FNBP1L: variants seen among roughly 807,000 people sequenced by gnomAD.
FNBP1L encodes the protein formin binding protein 1 like, also known as formin-binding protein 1-like.
In FNBP1L, 36 loss-of-function variants were observed where a neutral mutation model predicts 91.2. That is an observed-to-expected ratio of 0.39 (90% confidence interval 0.30 to 0.52). The LOEUF is 0.52. FNBP1L is among the 20% of genes least tolerant of loss of function. The pLI, the probability that FNBP1L is intolerant of heterozygous loss-of-function variation, is 0.66. For synonymous variants in FNBP1L, 242 were observed against 237.0 expected (o/e 1.02, Z -0.19); for missense variants, 571 against 732.1 (o/e 0.78, Z 2.54).
At chr1:93,478,166 T>C (rs1394851638) in intron 1 of FNBP1L, among the ~76,000 whole-genome samples, 1 of 152,222 alleles carries the variant, frequency 6.6e-6, no homozygotes, top group Non-Finnish European at 1.5e-5. Flanking sequence ...TTCTCTCTTT[T>C]ACCCTCTGAG....
At chr1:93,448,780 G>T (rs1000266560) in intron 1 of FNBP1L, among the ~76,000 whole-genome samples, 1 of 152,162 alleles carries the variant, frequency 6.6e-6, no homozygotes, top group Non-Finnish European at 1.5e-5. Flanking sequence ...CAGGTCCGCG[G>T]GGCTAGGGCG....
At chr1:93,461,402 A>T (rs1668856181) in intron 1 of FNBP1L, among the ~76,000 whole-genome samples, 1 of 152,194 alleles carries the variant, frequency 6.6e-6, no homozygotes. Flanking sequence ...TGTCTTATGT[A>T]ACAAGAAATT....
chr1:93,493,654 T>C (rs1670170390), intron 1 of FNBP1L, among the ~76,000 whole-genome samples: 1 of 152,210 alleles, frequency 6.6e-6, no homozygotes, highest in South Asian at 2.1e-4. Flanking sequence ...CTTAGCATGA[T>C]GTCTTAGATA....
intron 1 of FNBP1L, among the ~76,000 whole-genome samples, chr1:93,459,293 T>A (rs1160175406): frequency 6.6e-6 from 1 of 152,080 alleles, no homozygotes; most frequent in Non-Finnish European, 1.5e-5. Flanking sequence ...GTATCCTCTG[T>A]GGTTAAGGGG....
In FNBP1L at chr1:93,527,281, A is replaced by G. The variant is rs145494204; in HGVS notation, c.406-2371A>G. 1.2e-3 allele frequency among the ~76,000 whole-genome samples: 184 copies of G among 152,286 alleles called. 1 individual carries two copies. In the Middle Eastern group the frequency reaches 0.017, roughly 14 times the overall value. ...TCTTAGTTACTTGAAAGAAAGGGAA[A>G]TTGCTAACTGCTAGGGAACTATGGG... On this transcript the variant is annotated intron_variant, in intron 5 of 16. Coordinates refer to ENST00000271234, the MANE Select transcript of FNBP1L (RefSeq NM_001164473.3).
chr1:93,538,920 G>C (rs1226072604), intron 10 of FNBP1L, among the ~76,000 whole-genome samples: 1 of 151,956 alleles, frequency 6.6e-6, no homozygotes, highest in Non-Finnish European at 1.5e-5. Context: ...TTAAGGATAT[G>C]AAAAATGTTT....
In FNBP1L at chr1:93,448,191, G is replaced by A. The variant is rs1668333020; in HGVS notation, c.-91G>A. The A allele has an allele frequency of 6.7e-7, 1 of 1,488,412 alleles. No individual in the cohort carries two copies. The highest frequency in any genetic ancestry group is 2.2e-5 in the Admixed American group (1 of 46,330). The allele number at this position is 1,488,412 out of a possible 1,614,324, so 92.2% of individuals were successfully genotyped here. ...TCGAGGTAGACCCGCTGAGCTGCTAGCCCGCCGGCCAGCGAGTGAGAGGTC... is the reference window on the plus strand; with the variant it reads ...TCGAGGTAGACCCGCTGAGCTGCTAACCCGCCGGCCAGCGAGTGAGAGGTC... On this transcript the variant is annotated 5_prime_UTR_variant, in exon 1 of 17. Coordinates refer to ENST00000271234, the MANE Select transcript of FNBP1L (RefSeq NM_001164473.3).
intron 1 of FNBP1L, among the ~76,000 whole-genome samples, chr1:93,466,302 C>T (rs1458209853): frequency 6.6e-6 from 1 of 152,118 alleles, no homozygotes; most frequent in East Asian, 1.9e-4. Flanking sequence ...AAGGTATTGC[C>T]TAGGTTTTCT....
chr1:93,466,942 C>T lies in FNBP1L; in HGVS notation c.24+18637C>T, dbSNP rs183743883. 4.7e-4 allele frequency among the ~76,000 whole-genome samples: 71 copies of T among 152,260 alleles called. 1 individual carries two copies. In the East Asian group the frequency reaches 0.011, roughly 23 times the overall value. Reference sequence around the variant, plus strand: ...GTGCAATCTTGCTCACTGTAACCTCCGCCTCCCAGATTCAAGCTATTCTCC... The same window carrying T: ...GTGCAATCTTGCTCACTGTAACCTCTGCCTCCCAGATTCAAGCTATTCTCC... On this transcript the variant is annotated intron_variant, in intron 1 of 16. Coordinates refer to ENST00000271234, the MANE Select transcript of FNBP1L (RefSeq NM_001164473.3).
chr1:93,491,075 G>A (rs1013322739), intron 1 of FNBP1L, among the ~76,000 whole-genome samples: 2 of 151,960 alleles, frequency 1.3e-5, no homozygotes, highest in Non-Finnish European at 2.9e-5. Flanking sequence ...GAGTAGCTGG[G>A]ATTACAGGCA....
At chr1:93,480,431 T>G (rs891528261) in intron 1 of FNBP1L, among the ~76,000 whole-genome samples, 1 of 152,138 alleles carries the variant, frequency 6.6e-6, no homozygotes, top group African/African-American at 2.4e-5. Flanking sequence ...AACCACCAAC[T>G]TCATAGGGTT....
intron 1 of FNBP1L, among the ~76,000 whole-genome samples, chr1:93,461,144 C>T (rs901864840): frequency 6.6e-6 from 1 of 152,150 alleles, no homozygotes; most frequent in Admixed American, 6.5e-5. Flanking sequence ...CTGATATGCT[C>T]TGCCTGTAAA....
intron 1 of FNBP1L, among the ~76,000 whole-genome samples, chr1:93,466,815 T>C (rs1168139001): frequency 6.6e-6 from 1 of 152,198 alleles, no homozygotes; most frequent in East Asian, 1.9e-4. Flanking sequence ...TTCCTGATAC[T>C]GATTCTTCCT....
intron 2 of FNBP1L, among the ~76,000 whole-genome samples, chr1:93,511,458 A>G (rs571623381): frequency 1.3e-5 from 2 of 152,196 alleles, no homozygotes; most frequent in Admixed American, 6.5e-5. Flanking sequence ...GAAGGAAGCA[A>G]TAAACATGGA....
At chr1:93,547,230 T>C in intron 13 of FNBP1L, 117 bp from the exon 14 acceptor site, 1 of 959,484 alleles carries the variant, frequency 1.0e-6, no homozygotes, top group Non-Finnish European at 1.6e-6. Context: ...AATAAAGGTT[T>C]CACATCTCTA....
intron 10 of FNBP1L, among the ~76,000 whole-genome samples, chr1:93,539,707 G>C (rs1671964514): frequency 6.6e-6 from 1 of 152,026 alleles, no homozygotes; most frequent in African/African-American, 2.4e-5. Context: ...TTGAAAGACT[G>C]TGAATATCTT....
intron 10 of FNBP1L, among the ~76,000 whole-genome samples, chr1:93,539,288 G>A (rs1418151383): frequency 6.6e-6 from 1 of 151,594 alleles, no homozygotes; most frequent in African/African-American, 2.4e-5. Context: ...TTCCTTTTTA[G>A]CTCTCTTGTG....
chr1:93,488,500 A>G (rs954591987), intron 1 of FNBP1L: 2 of 152,178 alleles, frequency 1.3e-5, no homozygotes, highest in Admixed American at 1.3e-4. Context: ...ATCTATTTAA[A>G]AACTTGCATT....
chr1:93,521,914 G>T (rs1671340065), intron 2 of FNBP1L, among the ~76,000 whole-genome samples, 168 bp from the exon 3 acceptor site: 1 of 152,098 alleles, frequency 6.6e-6, no homozygotes, highest in African/African-American at 2.4e-5. Flanking sequence ...AGAACAAATT[G>T]TAAGTAATGA....
Sources: allele counts gnomAD v4.1 joint callset (sites outside exome capture counted in the v4.1 genomes callset), GRCh38; gene constraint gnomAD v4.1.1; transcripts MANE v1.5; gene names NCBI Gene and HGNC (gene_info 2026-07-23, HGNC 2026-07-21).